LRP1B: variants seen among roughly 807,000 people sequenced by gnomAD.
LRP1B encodes the protein LDL receptor related protein 1B.
In LRP1B, 217 loss-of-function variants were observed where a neutral mutation model predicts 556.6. That is an observed-to-expected ratio of 0.39 (90% confidence interval 0.35 to 0.44). The LOEUF (loss-of-function observed/expected upper bound fraction) is 0.44, where lower values mean the gene tolerates loss of function less well. LRP1B is among the 20% of genes least tolerant of loss of function. The pLI, the probability that LRP1B is intolerant of heterozygous loss-of-function variation, is 1.00. For missense variants in LRP1B, 5,053 were observed against 5,620.8 expected (o/e 0.90, Z 3.23); for synonymous variants, 2,047 against 1,865.8 (o/e 1.10, Z -2.50).
chr2:140,916,192 C>A (rs1469990032), intron 21 of LRP1B, among the ~76,000 whole-genome samples: 3 of 152,026 alleles, frequency 2.0e-5, no homozygotes, highest in Non-Finnish European at 2.9e-5. Context: ...TTCCATAGGG[C>A]TGGTTCCAGA....
intron 66 of LRP1B, among the ~76,000 whole-genome samples, chr2:140,433,212 C>G (rs1447464443): frequency 1.3e-5 from 2 of 152,154 alleles, no homozygotes; most frequent in African/African-American, 4.8e-5. Context: ...ATTCTTCTGT[C>G]TCAGTCTCCC....
At chr2:140,262,904 T>C (rs989654145) in intron 86 of LRP1B, among the ~76,000 whole-genome samples, 1 of 152,098 alleles carries the variant, frequency 6.6e-6, no homozygotes, top group Non-Finnish European at 1.5e-5. Flanking sequence ...TATGGAAATG[T>C]GCGAAAACCG....
intron 20 of LRP1B, among the ~76,000 whole-genome samples, chr2:140,947,491 A>G (rs1428958741): frequency 6.6e-6 from 1 of 152,332 alleles, no homozygotes; most frequent in East Asian, 1.9e-4. Context: ...TTTCTTCCAC[A>G]GCAGGTTTGG....
intron 2 of LRP1B, among the ~76,000 whole-genome samples, chr2:141,586,320 T>C (rs1268510826): frequency 6.6e-6 from 1 of 152,186 alleles, no homozygotes; most frequent in African/African-American, 2.4e-5. Flanking sequence ...ACTCTAGTCT[T>C]ACTGAGATTT....
chr2:141,788,812 GTT>G (rs1331941102), intron 2 of LRP1B, among the ~76,000 whole-genome samples: 1 of 151,684 alleles, frequency 6.6e-6, no homozygotes, highest in Non-Finnish European at 1.5e-5. Flanking sequence ...CCTTGCGACA[GTT>G]TGCTAAGAAT....
intron 1 of LRP1B, among the ~76,000 whole-genome samples, chr2:142,015,670 A>G (rs931962830): frequency 3.3e-5 from 5 of 152,074 alleles, no homozygotes; most frequent in African/African-American, 1.2e-4. Context: ...ACTTAAACAA[A>G]TTTACAAGAA....
At chr2:142,079,743 C>G (rs953105821) in intron 1 of LRP1B, among the ~76,000 whole-genome samples, 5 of 152,146 alleles carry the variant, frequency 3.3e-5, no homozygotes, top group Admixed American at 2.6e-4. Context: ...GTCCTGACCT[C>G]AGGTAATCCA....
intron 7 of LRP1B, among the ~76,000 whole-genome samples, chr2:141,133,605 A>G (rs1012233402): frequency 4.6e-5 from 7 of 151,990 alleles, no homozygotes; most frequent in African/African-American, 1.7e-4. Flanking sequence ...GTAAATATTC[A>G]CTGTTATTAT....
chr2:141,935,329 A>G (rs1164142646), intron 1 of LRP1B, among the ~76,000 whole-genome samples: 1 of 152,186 alleles, frequency 6.6e-6, no homozygotes, highest in Non-Finnish European at 1.5e-5. Context: ...ACATGTGACC[A>G]AAAAGTATAA....
At chr2:140,369,377 G>A (rs910737646) in intron 71 of LRP1B, among the ~76,000 whole-genome samples, 2 of 151,884 alleles carry the variant, frequency 1.3e-5, no homozygotes, top group East Asian at 1.9e-4. Context: ...AGCAATAGAG[G>A]TGATTCGCTA....
chr2:141,654,457 T>C (rs1334337003), intron 2 of LRP1B, among the ~76,000 whole-genome samples: 1 of 152,136 alleles, frequency 6.6e-6, no homozygotes, highest in Non-Finnish European at 1.5e-5. Context: ...GAAGACACTG[T>C]GAACAGGTGT....
chr2:141,730,847 C>T (rs1019558245), intron 2 of LRP1B, among the ~76,000 whole-genome samples: 1 of 152,170 alleles, frequency 6.6e-6, no homozygotes, highest in African/African-American at 2.4e-5. Flanking sequence ...ATATTCTTCA[C>T]TGGACAGAAG....
chr2:141,530,788 G>C (rs1351385091), intron 2 of LRP1B, among the ~76,000 whole-genome samples: 2 of 151,930 alleles, frequency 1.3e-5, no homozygotes, highest in Non-Finnish European at 2.9e-5. Context: ...TCCAGGCCTA[G>C]AGAATAGCAA....
intron 2 of LRP1B, among the ~76,000 whole-genome samples, chr2:141,728,829 T>A (rs79625925): frequency 0.032 from 4,896 of 152,260 alleles, 271 homozygotes; most frequent in African/African-American, 0.11. Context: ...ATTGATTGAC[T>A]CTATCCGCTC....
At chr2:140,746,934 A>C (rs1385911618) in intron 35 of LRP1B, among the ~76,000 whole-genome samples, 3 of 152,180 alleles carry the variant, frequency 2.0e-5, no homozygotes, top group Non-Finnish European at 2.9e-5. Flanking sequence ...AAAATTAAGA[A>C]AAAAAATCTG....
At chr2:140,830,658 G>A (rs1691682837) in intron 31 of LRP1B, among the ~76,000 whole-genome samples, 1 of 152,032 alleles carries the variant, frequency 6.6e-6, no homozygotes, top group Non-Finnish European at 1.5e-5. Context: ...ACTGAGTGGA[G>A]AAAAAATGAG....
rs112774774 is a variant in LRP1B, at chr2:141,200,622, C to T, written c.851-12039G>A. Among the ~76,000 whole-genome samples the T allele has an allele frequency of 9.0e-3, 1,374 of 152,202 alleles. 10 individuals are homozygous for T. Among genetic ancestry groups the T allele is most frequent in the Non-Finnish European group, 0.014 (959 of 68,004 alleles). On this transcript the variant is annotated intron_variant, in intron 6 of 90. Coordinates refer to ENST00000389484, the MANE Select transcript of LRP1B (RefSeq NM_018557.3). ...CCACTTATCCCCCTATATGTACACACACATACATACACGCATACACACGCG... is the reference window on the plus strand; with the variant it reads ...CCACTTATCCCCCTATATGTACACATACATACATACACGCATACACACGCG...
intron 3 of LRP1B, among the ~76,000 whole-genome samples, chr2:141,263,082 T>C (rs1366995978): frequency 3.3e-5 from 5 of 152,022 alleles, no homozygotes; most frequent in African/African-American, 4.8e-5. Context: ...GTTCCCTGCA[T>C]ATAGCTCTTC....
At chr2:140,769,589 G>A (rs561293823) in intron 34 of LRP1B, among the ~76,000 whole-genome samples, 1 of 151,892 alleles carries the variant, frequency 6.6e-6, no homozygotes, top group South Asian at 2.1e-4. Flanking sequence ...ATGAATTAGT[G>A]GGCCCCATCC....
Sources: allele counts gnomAD v4.1 joint callset (sites outside exome capture counted in the v4.1 genomes callset), GRCh38; gene constraint gnomAD v4.1.1; transcripts MANE v1.5; gene names NCBI Gene and HGNC (gene_info 2026-07-23, HGNC 2026-07-21).